Variants in ATL2 observed in about 807,000 individuals in gnomAD.
ATL2 encodes the protein atlastin GTPase 2, also known as atlastin-2.
A neutral mutation model predicts 73.9 loss-of-function variants in ATL2; 31 were observed. The observed-to-expected ratio is 0.42, with a 90% CI of 0.32 to 0.57. The LOEUF (loss-of-function observed/expected upper bound fraction) is 0.57, where lower values mean the gene tolerates loss of function less well. ATL2 is among the 20% of genes least tolerant of loss of function. The pLI is 0.14. For synonymous variants in ATL2, 291 were observed against 237.5 expected, an observed-to-expected ratio of 1.23 and a Z score of -2.07; for missense variants, 738 against 702.6, an observed-to-expected ratio of 1.05 and a Z score of -0.57.
At chr2:38,312,706 TAA>T (rs368819561) in intron 7 of ATL2, among the ~76,000 whole-genome samples, 31 of 120,250 alleles carry the variant, frequency 2.6e-4, no homozygotes, top group Middle Eastern at 4.0e-3. Context: ...GAGACTGTCT[TAA>T]AAAAAAAAAA....
chr2:38,373,227 C>T (rs557614125), intron 1 of ATL2, among the ~76,000 whole-genome samples: 54 of 152,248 alleles, frequency 3.5e-4, no homozygotes, highest in African/African-American at 1.3e-3. Context: ...AGCATTGCCG[C>T]CACAATCAGA....
intron 1 of ATL2, among the ~76,000 whole-genome samples, chr2:38,364,753 T>C (rs1425530520): frequency 6.6e-6 from 1 of 152,220 alleles, no homozygotes; most frequent in Non-Finnish European, 1.5e-5. Flanking sequence ...GCTCAAAAAA[T>C]AACTTTGTTG....
chr2:38,334,633 G>C (rs891967804), intron 2 of ATL2, among the ~76,000 whole-genome samples: 1 of 151,226 alleles, frequency 6.6e-6, no homozygotes, highest in African/African-American at 2.4e-5. Flanking sequence ...GGGAGGCGGA[G>C]GTTGCGGTGA....
Position 38,298,204 on chromosome 2 carries a change from A to G in ATL2, c.1572T>C (p.Ser524=). 1 of 1,614,140 alleles carries G rather than the reference A, an allele frequency of 6.2e-7. No individual in the cohort carries two copies. The highest frequency in any genetic ancestry group is 8.5e-7 in the Non-Finnish European group (1 of 1,179,978). Residue 524 remains serine, a synonymous_variant, in exon 12 of 13, where the codon TCT becomes TCC. Transcript: ENST00000378954. ...FLCTWAYVKY[S]GEFREIGTVI... ...CTGTTCCAATTTCTCTGAACTCCCC[A>G]GAGTATTTAACATATGCCCAAGTAC...
intron 6 of ATL2, among the ~76,000 whole-genome samples, chr2:38,314,262 A>T (rs1667907033): frequency 6.6e-6 from 1 of 152,238 alleles, no homozygotes; most frequent in Non-Finnish European, 1.5e-5. Context: ...ACCACAAAAA[A>T]GAAACCTGTA....
At chr2:38,354,005 C>G (rs1007209469) in intron 1 of ATL2, 14 of 270,572 alleles carry the variant, frequency 5.2e-5, no homozygotes, top group Non-Finnish European at 1.0e-4. Context: ...CCATCCTGGC[C>G]AACATGGTGA....
chr2:38,350,197 C>A (rs2124433017), intron 1 of ATL2, among the ~76,000 whole-genome samples: 1 of 152,258 alleles, frequency 6.6e-6, no homozygotes, highest in East Asian at 1.9e-4. Flanking sequence ...CAAAAATTTA[C>A]TAAGACAAGT....
At chr2:38,296,776 GATTAC>G in intron 12 of ATL2, 1 of 1,545,208 alleles carries the variant, frequency 6.5e-7, no homozygotes, top group Non-Finnish European at 8.7e-7. Context: ...CTGACTAGCT[GATTAC>G]CTTACCTAAA....
chr2:38,347,239 G>C (rs1245159641), intron 1 of ATL2, among the ~76,000 whole-genome samples: 3 of 152,266 alleles, frequency 2.0e-5, no homozygotes, highest in East Asian at 3.9e-4. Context: ...CCATAGCAGA[G>C]GGCCTTATAA....
chr2:38,325,845 A>T (rs1266477944), intron 2 of ATL2, among the ~76,000 whole-genome samples: 1 of 149,808 alleles, frequency 6.7e-6, no homozygotes, highest in African/African-American at 2.5e-5. Flanking sequence ...CAATTAAATT[A>T]GCCAACTCCA....
upstream of ATL2, among the ~76,000 whole-genome samples, chr2:38,377,450 A>ATCGC (rs1474818406): frequency 5.8e-3 from 233 of 40,376 alleles, 2 homozygotes; most frequent in Non-Finnish European, 6.8e-3. Context: ...CGCCCCGCCC[A>ATCGC]TCGCTCGCTC....
chr2:38,352,497 C>T (rs1670416508), intron 1 of ATL2, among the ~76,000 whole-genome samples: 1 of 152,158 alleles, frequency 6.6e-6, no homozygotes, highest in Admixed American at 6.5e-5. Flanking sequence ...ATTGCTAGAG[C>T]AGTAGGAATC....
intron 9 of ATL2, among the ~76,000 whole-genome samples, chr2:38,308,074 G>A (rs1667548408): frequency 6.6e-6 from 1 of 152,028 alleles, no homozygotes; most frequent in Non-Finnish European, 1.5e-5. Context: ...AAAATAAAAC[G>A]ACCATATGAT....
chr2:38,335,769 C>T (rs1034727779), intron 2 of ATL2, among the ~76,000 whole-genome samples: 1 of 152,092 alleles, frequency 6.6e-6, no homozygotes, highest in Non-Finnish European at 1.5e-5. Context: ...AGGCCGGGCG[C>T]GGTGGCTCAC....
At chr2:38,309,269 C>CT in intron 9 of ATL2, 110 bp downstream of exon 9, 4 of 1,060,284 alleles carry the variant, frequency 3.8e-6, no homozygotes, top group Non-Finnish European at 5.2e-6. Flanking sequence ...AATCACAAAT[C>CT]TTACTCTTTT....
intron 8 of ATL2, 33 bp downstream of exon 8, chr2:38,310,276 A>C (rs779728931): frequency 1.2e-6 from 2 of 1,604,710 alleles, no homozygotes; most frequent in South Asian, 2.2e-5. Flanking sequence ...CTAATAAATA[A>C]GTTCAGATTT....
chr2:38,343,267 C>G lies in ATL2; in HGVS notation c.363+1G>C, dbSNP rs762637207. On this transcript the variant is annotated splice_donor_variant, in intron 2 of 12. Transcript: ENST00000378954. LOFTEE classifies it high-confidence loss of function. ...TGGGTTCAATTTAAAAGACTATTCA[C>G]CTTGTTATACATGTATCTAAGCATG... The G allele has an allele frequency of 6.3e-7, 1 of 1,589,922 alleles. No homozygotes were observed. Among genetic ancestry groups the G allele is most frequent in the Non-Finnish European group, 8.5e-7 (1 of 1,172,808 alleles).
At position 38,298,524 on chromosome 2, in the gene ATL2, G is replaced by A. The variant is rs1457352290; in HGVS notation, c.1252C>T (p.His418Tyr). 6.2e-7 allele frequency: 1 copy of A among 1,614,134 alleles called. No homozygotes were observed. Among genetic ancestry groups the A allele is most frequent in the Non-Finnish European group, 8.5e-7 (1 of 1,179,984 alleles). The change falls in exon 12 of 13, where the codon CAC becomes TAC. Residue 418 changes from histidine (H) to tyrosine (Y), a missense_variant. Coordinates refer to ENST00000378954, the MANE Select transcript of ATL2 (RefSeq NM_001135673.4). The part of the protein sequence containing the change: ...YIAPSDLERK[H>Y]LDLKEVAIKQ... ...ATCGCCACTTCCTTGAGATCCAAGT[G>A]TTTTCGCTCCAGATCTGAAGGTGCA... is the stretch of plus-strand genomic sequence containing the variant.
In ATL2 at chr2:38,343,521, TAAAA is replaced by T. The variant is rs776981244; in HGVS notation, c.119-13_119-10del. ...ATCTTCATAATTCTCACCTAGAATT[TAAAA>T]AGAAAGAAACTGGTTACTTTAATCC... On this transcript the variant is annotated splice_polypyrimidine_tract_variant and intron_variant, in intron 1 of 12. Transcript: ENST00000378954. 6.3e-7 allele frequency: 1 copy of T among 1,598,984 alleles called. No individual in the cohort carries two copies. The highest frequency in any genetic ancestry group is 8.5e-7 in the Non-Finnish European group (1 of 1,173,516).
Sources: allele counts gnomAD v4.1 joint callset (sites outside exome capture counted in the v4.1 genomes callset), GRCh38; gene constraint gnomAD v4.1.1; transcripts MANE v1.5; gene names NCBI Gene and HGNC (gene_info 2026-07-23, HGNC 2026-07-21).